Variants in ZFHX2 observed in about 807,000 individuals in gnomAD.
ZFHX2 encodes the protein zinc finger homeobox 2.
A neutral mutation model predicts 164.8 loss-of-function variants in ZFHX2; 75 were observed. The ratio of observed to expected loss-of-function variants is 0.46; its 90% CI spans 0.38 to 0.55. The LOEUF is 0.55. Among genes scored for constraint, ZFHX2 ranks in the 20% least tolerant of loss-of-function variants. The pLI is 0.00. For synonymous variants in ZFHX2, 1,217 were observed against 1,351.4 expected, an observed-to-expected ratio of 0.90 and a Z score of 2.18; for missense variants, 2,933 against 3,308.0, an observed-to-expected ratio of 0.89 and a Z score of 2.78.
chr14:23,547,931 G>A (rs1035057393), intron 1 of ZFHX2, among the ~76,000 whole-genome samples: 1 of 152,180 alleles, frequency 6.6e-6, no homozygotes, highest in African/African-American at 2.4e-5. Context: ...AGACAGCTAA[G>A]TCTCTCAGAC....
In ZFHX2 at chr14:23,526,387, G is replaced by A. The variant is rs769952919; in HGVS notation, c.3555C>T (p.Leu1185=). Residue 1185 remains leucine (L), a synonymous_variant, in exon 9 of 10, where the codon CTC becomes CTT. Transcript: ENST00000419474. ...KTTNFALDKF[L]DPARPYKCTV... ...TGCACTTATAGGGCCGGGCAGGGTC[G>A]AGAAACTTGTCCAGGGCAAAGTTGG... is the stretch of plus-strand genomic sequence containing the variant. The A allele has an allele frequency of 6.2e-4, 954 of 1,536,202 alleles. 1 individual carries two copies. Among genetic ancestry groups the A allele is most frequent in the Non-Finnish European group, 6.7e-4 (764 of 1,146,874 alleles).
rs1878564074 is a variant in ZFHX2, at chr14:23,525,329, T to A, written c.4613A>T (p.Asp1538Val). The A allele has an allele frequency of 6.5e-7, 1 of 1,536,020 alleles. No homozygotes were observed. The highest frequency in any genetic ancestry group is 8.7e-7 in the Non-Finnish European group (1 of 1,146,872). The change falls in exon 9 of 10, where the codon GAT becomes GTT. Residue 1538 changes from aspartate to valine, a missense_variant. By Grantham distance (152) the Asp-to-Val change is radical. Transcript: ENST00000419474. This position sits in a 1 kb window ranked among gnomAD's most constrained non-coding sequence, Gnocchi z 5.9. ...GGGAACAGGTGAATCCAGAGACCCA[T>A]CAGGAGGTTTGGGAGGCTCTGCAAG... The part of the protein sequence containing the change: ...PPLAEPPKPP[D>V]GSLDSPVPHL...
Position 23,525,705 on chromosome 14 carries a change from G to A in ZFHX2, c.4237C>T (p.Pro1413Ser), listed in dbSNP as rs1878610922. The A allele has an allele frequency of 2.0e-6, 3 of 1,523,796 alleles. No homozygotes were observed. Among genetic ancestry groups the A allele is most frequent in the Admixed American group, 2.0e-5 (1 of 50,300 alleles). The allele number at this position is 1,523,796 out of a possible 1,614,324, so 94.4% of individuals were successfully genotyped here. A position where few individuals can be genotyped will look rare whatever the true frequency, so the allele number is the denominator to read the frequency against. ...AELAEREWER[P>S]PMAKEGNEAG... The stretch of plus-strand genomic sequence containing the variant: ...TCATTACCCTCTTTGGCCATGGGGG[G>A]CCGCTCCCACTCCCGCTCAGCCAGC... The change falls in exon 9 of 10, where the codon CCC becomes TCC. Residue 1413 changes from proline (P) to serine (S), a missense_variant. Transcript: ENST00000419474. The surrounding 1 kb of genome is among the most constrained non-coding windows in gnomAD (Gnocchi z 5.9).
intron 5 of ZFHX2, 83 bp downstream of exon 5, chr14:23,530,037 A>C (rs1879326460): frequency 1.5e-6 from 2 of 1,335,052 alleles, no homozygotes; most frequent in Non-Finnish European, 2.1e-6. Context: ...GAGCACAGAC[A>C]TTGCTGGGCT....
intron 5 of ZFHX2, 47 bp from the exon 6 acceptor site, chr14:23,529,815 G>A: frequency 2.6e-6 from 4 of 1,518,688 alleles, no homozygotes; most frequent in Non-Finnish European, 3.5e-6. Context: ...CAGCCCTCAA[G>A]ATGATTTGTA....
intron 6 of ZFHX2, among the ~76,000 whole-genome samples, chr14:23,528,123 G>A (rs1452186560): frequency 6.6e-6 from 1 of 152,114 alleles, no homozygotes; most frequent in Non-Finnish European, 1.5e-5. Context: ...TGGCCAGGTT[G>A]GTCTTGAACT....
chr14:23,523,796 G>C lies in ZFHX2; in HGVS notation c.6146C>G (p.Thr2049Ser). The change falls in exon 9 of 10, where the codon ACC becomes AGC. Residue 2049 changes from threonine to serine, a missense_variant. Transcript: ENST00000419474. This position sits in a 1 kb window ranked among gnomAD's most constrained non-coding sequence, Gnocchi z 4.1. ...AGTCCCACCTCCAGGTCCCCCACTG[G>C]TCCCTCCAGCCCCAGGGGATTCTGG... ...AEPESPGAGG[T>S]SGGPGGGTGV... 1 of 1,536,220 alleles carries C rather than the reference G, an allele frequency of 6.5e-7. No homozygotes were observed. Among genetic ancestry groups the C allele is most frequent in the Non-Finnish European group, 8.7e-7 (1 of 1,146,918 alleles).
rs913466107 is a variant in ZFHX2 at position 23,532,854 on chromosome 14, G to T, written c.2272C>A (p.His758Asn). 6.5e-7 allele frequency: 1 copy of T among 1,536,312 alleles called. No individual in the cohort carries two copies. The highest frequency in any genetic ancestry group is 8.7e-7 in the Non-Finnish European group (1 of 1,146,952). ...AEWKEVAGDTHRCKLCCYGTQ... is the reference protein window; with the variant it reads ...AEWKEVAGDTNRCKLCCYGTQ... Reference sequence around the variant, plus strand: ...CCATAGCAGCAAAGCTTGCAGCGGTGGGTGTCACCAGCCACCTCCTTCCAT... The same window carrying T: ...CCATAGCAGCAAAGCTTGCAGCGGTTGGTGTCACCAGCCACCTCCTTCCAT... Residue 758 changes from histidine to asparagine, a missense_variant, in exon 3 of 10, where the codon CAC (histidine) becomes AAC (asparagine). By Grantham distance (68) the His-to-Asn change is moderately conservative. Transcript: ENST00000419474.
Position 23,531,669 on chromosome 14 carries a change from TG to T in ZFHX2, c.2611del (p.His871ThrfsTer53). 6.8e-7 allele frequency: 1 copy of T among 1,480,630 alleles called. No individual in the cohort carries two copies. The highest frequency in any genetic ancestry group is 9.0e-7 in the Non-Finnish European group (1 of 1,114,236). 91.7% of individuals were successfully genotyped at this position (1,480,630 alleles called of 1,614,324 possible). ...AEAGAELGLY[H>X]CLLCAWETPS... ...TGTCTCCCACGCACACAACAGGCAG[TG>T]GTATAGCCCCAGCTCTGCCCCTGCC... is the stretch of plus-strand genomic sequence containing the variant. On this transcript the variant is annotated frameshift_variant, in exon 4 of 10. Coordinates refer to ENST00000419474, the MANE Select transcript of ZFHX2 (RefSeq NM_033400.3). LOFTEE classifies it high-confidence loss of function.
chr14:23,536,043 A>G (rs561816664), intron 1 of ZFHX2, among the ~76,000 whole-genome samples: 10 of 152,182 alleles, frequency 6.6e-5, no homozygotes, highest in Admixed American at 2.0e-4. Context: ...AGCAACTTCT[A>G]AAACATGTCA....
rs1430816198 is a variant in ZFHX2 at position 23,524,952 on chromosome 14, C to T, written c.4990G>A (p.Gly1664Arg). The change falls in exon 9 of 10, where the codon GGA becomes AGA. Residue 1664 changes from glycine to arginine, a missense_variant. Transcript: ENST00000419474. This position sits in a 1 kb window ranked among gnomAD's most constrained non-coding sequence, Gnocchi z 5.6. ...ACEGGSMPTG[G>R]GTGGASGCRR... is the part of the protein sequence containing the mutation. ...CAGCCGGAGGCTCCCCCAGTGCCTC[C>T]TCCGGTTGGCATGGACCCACCCTCA... is the stretch of plus-strand genomic sequence containing the variant. 2.0e-6 allele frequency: 3 copies of T among 1,536,270 alleles called. No homozygotes were observed. In the East Asian group the frequency reaches 7.3e-5, roughly 38 times the overall value.
At position 23,526,002 on chromosome 14, in the gene ZFHX2, T is replaced by G; in HGVS notation, c.3940A>C (p.Ser1314Arg). The G allele has an allele frequency of 6.5e-7, 1 of 1,531,490 alleles. No homozygotes were observed. The highest frequency in any genetic ancestry group is 8.7e-7 in the Non-Finnish European group (1 of 1,144,268). The allele number at this position is 1,531,490 out of a possible 1,614,324, so 94.9% of individuals were successfully genotyped here. A position where few individuals can be genotyped will look rare whatever the true frequency, so the allele number is the denominator to read the frequency against. ...AAAGGCAATCCAGATATGAAGCCAC[T>G]GGTGTCAGGGCCCTTCTTCTCAGTG... ...VGTEKKGPDT[S>R]GFISGLPFLS... Residue 1314 changes from serine to arginine, a missense_variant, in exon 9 of 10, where the codon AGT (serine) becomes CGT (arginine). Ser to Arg is a moderately radical substitution (Grantham distance 110). Coordinates refer to ENST00000419474, the MANE Select transcript of ZFHX2 (RefSeq NM_033400.3).
rs1041821089 is a variant in ZFHX2 at position 23,522,104 on chromosome 14, G to A, written c.7577C>T (p.Pro2526Leu). Reference protein sequence around the residue: ...SSAHRRKAAPPQGGPPISITN... With the variant: ...SSAHRRKAAPLQGGPPISITN... ...GATGGAGATGGGTGGGCCCCCTTGA[G>A]GTGGGGCTGCCTTGCGCCTGTGGGC... Residue 2526 changes from proline (P) to leucine (L), a missense_variant, in exon 10 of 10, where the codon CCT becomes CTT. Physicochemically the swap from Pro to Leu is moderately conservative, Grantham distance 98. Transcript: ENST00000419474. 5.2e-6 allele frequency: 8 copies of A among 1,535,282 alleles called. No homozygotes were observed. The highest frequency in any genetic ancestry group is 3.9e-5 in the Admixed American group (2 of 50,896).
chr14:23,546,538 A>G lies in ZFHX2; in HGVS notation c.-50+4805T>C, dbSNP rs1279837391. Among the ~76,000 whole-genome samples the G allele has an allele frequency of 6.6e-6, 1 of 152,094 alleles. No individual in the cohort carries two copies. The highest frequency in any genetic ancestry group is 6.6e-5 in the Admixed American group (1 of 15,258). On this transcript the variant is annotated intron_variant, in intron 1 of 9. Coordinates refer to ENST00000419474, the MANE Select transcript of ZFHX2 (RefSeq NM_033400.3). This position sits in a 1 kb window ranked among gnomAD's most constrained non-coding sequence, Gnocchi z 4.7. ...CTCTGGACTAGTTCCTACATGAGGA[A>G]GCCACTGAGAGCCCATGGGATTACC...
Position 23,546,838 on chromosome 14 carries a change from C to G in ZFHX2, c.-50+4505G>C, listed in dbSNP as rs531201464. Among the ~76,000 whole-genome samples, 3 of 152,350 alleles carry G rather than the reference C, an allele frequency of 2.0e-5. No homozygotes were observed. Among genetic ancestry groups the G allele is most frequent in the Admixed American group, 6.5e-5 (1 of 15,306 alleles). On this transcript the variant is annotated intron_variant, in intron 1 of 9. Coordinates refer to ENST00000419474, the MANE Select transcript of ZFHX2 (RefSeq NM_033400.3). This position sits in a 1 kb window ranked among gnomAD's most constrained non-coding sequence, Gnocchi z 4.7. Reference sequence around the variant, plus strand: ...TGCCCAACTCCGTGGCGGTGGCTGACAGTGCAACAGCCACCACTGTCCTTC... The same window carrying G: ...TGCCCAACTCCGTGGCGGTGGCTGAGAGTGCAACAGCCACCACTGTCCTTC...
At position 23,524,093 on chromosome 14, in the gene ZFHX2, A is replaced by T. The variant is rs755722586; in HGVS notation, c.5849T>A (p.Val1950Glu). 2 of 1,532,454 alleles carry T rather than the reference A, an allele frequency of 1.3e-6. No homozygotes were observed. Among genetic ancestry groups the T allele is most frequent in the Non-Finnish European group, 1.7e-6 (2 of 1,144,990 alleles). 94.9% of individuals were successfully genotyped at this position (1,532,454 alleles called of 1,614,324 possible). Residue 1950 changes from valine (V) to glutamate (E), a missense_variant, in exon 9 of 10, where the codon GTA becomes GAA. Transcript: ENST00000419474. The surrounding 1 kb of genome is among the most constrained non-coding windows in gnomAD (Gnocchi z 5.6). ...GGCTTCCCTCCCAGTGCCATCATCTACCTTGCCTAATAAGAGGTTGAACTT... is the reference window on the plus strand; with the variant it reads ...GGCTTCCCTCCCAGTGCCATCATCTTCCTTGCCTAATAAGAGGTTGAACTT... ...LPKFNLLLGK[V>E]DDGTGREAPK...
At position 23,534,905 on chromosome 14, in the gene ZFHX2, C is replaced by T. The variant is rs1879981618; in HGVS notation, c.421G>A (p.Gly141Ser). The T allele has an allele frequency of 2.0e-6, 3 of 1,535,990 alleles. No homozygotes were observed. The highest frequency in any genetic ancestry group is 1.2e-5 in the South Asian group (1 of 84,066). ...PGGSELLLPK[G>S]FPWGEAGIKE... ...ATGCCCGCCTCACCCCAGGGGAAGC[C>T]CTTTGGTAACAGGAGTTCACTGCCA... Residue 141 changes from glycine to serine, a missense_variant, in exon 2 of 10, where the codon GGC becomes AGC. Transcript: ENST00000419474. This position sits in a 1 kb window ranked among gnomAD's most constrained non-coding sequence, Gnocchi z 4.5.
intron 6 of ZFHX2, 97 bp from the exon 7 acceptor site, chr14:23,527,901 CTTTTT>C (rs745574496): frequency 1.7e-3 from 775 of 447,730 alleles, no homozygotes; most frequent in East Asian, 3.7e-3. Context: ...GCCCCCACTC[CTTTTT>C]TTTTTTTTTT....
rs919739319 is a variant in ZFHX2, at chr14:23,521,868, G to A, written c.*94C>T. On this transcript the variant is annotated 3_prime_UTR_variant, in exon 10 of 10. Coordinates refer to ENST00000419474, the MANE Select transcript of ZFHX2 (RefSeq NM_033400.3). ...TCCTGTGAGGTGGGCGGGGCCAGGG[G>A]GTGGGGTGAGGGATTTGAGCTCCCA... 13 of 1,499,902 alleles carry A rather than the reference G, an allele frequency of 8.7e-6. No individual in the cohort carries two copies. In the East Asian group the frequency reaches 2.5e-4, roughly 28 times the overall value. The allele number at this position is 1,499,902 out of a possible 1,614,324, so 92.9% of individuals were successfully genotyped here.
Sources: allele counts gnomAD v4.1 joint callset (sites outside exome capture counted in the v4.1 genomes callset), GRCh38; gene constraint gnomAD v4.1.1; non-coding constraint Gnocchi (gnomAD v3.1); transcripts MANE v1.5; gene names NCBI Gene and HGNC (gene_info 2026-07-23, HGNC 2026-07-21).